The following EPHA5 variants were observed in gnomAD, a reference collection of about 807,000 sequenced individuals.
The protein encoded by EPHA5 is EPH receptor A5, also known as ephrin type-A receptor 5.
EPHA5 carries 60 observed loss-of-function variants against 105.0 expected under a neutral mutation model. The observed-to-expected ratio is 0.57, with a 90% CI of 0.46 to 0.71. EPHA5 has a LOEUF of 0.71. Ranked by LOEUF, EPHA5 falls within the 30% of genes least tolerant of loss-of-function variation. The pLI is 0.00. For missense variants in EPHA5, 1,218 were observed against 1,274.7 expected (o/e 0.96, Z 0.68); for synonymous variants, 513 against 449.1 (o/e 1.14, Z -1.80).
At chr4:65,387,470 C>T (rs1421661610) in intron 8 of EPHA5, among the ~76,000 whole-genome samples, 1 of 151,986 alleles carries the variant, frequency 6.6e-6, no homozygotes, top group African/African-American at 2.4e-5. Flanking sequence ...GTAAAATGCA[C>T]ATCTACTTAT....
rs896147833 is a variant in EPHA5 at position 65,388,816 on chromosome 4, T to A, written c.1793+15558A>T. Among the ~76,000 whole-genome samples, 6 of 151,474 alleles carry A rather than the reference T, an allele frequency of 4.0e-5. No individual in the cohort carries two copies. In the South Asian group the frequency reaches 1.3e-3, roughly 32 times the overall value. ...TTTGCTGTGCAGAAGCTCTTTAGTTTAATTAGATCCCATTTGTCAATTTTG... is the reference window on the plus strand; with the variant it reads ...TTTGCTGTGCAGAAGCTCTTTAGTTAAATTAGATCCCATTTGTCAATTTTG... On this transcript the variant is annotated intron_variant, in intron 8 of 16. Coordinates refer to ENST00000613740, the MANE Select transcript of EPHA5 (RefSeq NM_001281766.3).
chr4:65,460,893 G>T (rs1728060309), intron 5 of EPHA5, among the ~76,000 whole-genome samples: 1 of 151,702 alleles, frequency 6.6e-6, no homozygotes, highest in Admixed American at 6.6e-5. Context: ...GTAGTTTAAT[G>T]ATTTTTCTTA....
intron 5 of EPHA5, among the ~76,000 whole-genome samples, chr4:65,475,992 T>G (rs1192752898): frequency 3.3e-5 from 5 of 151,964 alleles, no homozygotes; most frequent in Non-Finnish European, 7.4e-5. Flanking sequence ...TGATTAAGGG[T>G]GTCACCATTT....
rs1311162748 is a variant in EPHA5, at chr4:65,348,659, G to GGT, written c.2446-457_2446-456insAC. 8.9e-3 allele frequency among the ~76,000 whole-genome samples: 536 copies of GGT among 60,074 alleles called. 33 individuals carry two copies. The highest frequency in any genetic ancestry group is 0.012 in the Non-Finnish European group (356 of 30,064). 39.4% of individuals were successfully genotyped at this position (60,074 alleles called of 152,430 possible). On this transcript the variant is annotated intron_variant, in intron 13 of 16. Coordinates refer to ENST00000613740, the MANE Select transcript of EPHA5 (RefSeq NM_001281766.3). ...TAATAAGAAAAGCATAAACATTGGA[G>GGT]ATATATATATATATATATATATATA...
chr4:65,618,478 T>G (rs1387099668), intron 2 of EPHA5, among the ~76,000 whole-genome samples: 1 of 152,180 alleles, frequency 6.6e-6, no homozygotes, highest in Admixed American at 6.5e-5. Context: ...TATCAGTGTC[T>G]CTTTAATTAA....
At chr4:65,383,769 T>C (rs1448883510) in intron 8 of EPHA5, among the ~76,000 whole-genome samples, 1 of 150,982 alleles carries the variant, frequency 6.6e-6, no homozygotes, top group Non-Finnish European at 1.5e-5. Context: ...CTAATATTTG[T>C]TTAAAAGTAA....
At chr4:65,664,478 T>C (rs570132525) in intron 1 of EPHA5, among the ~76,000 whole-genome samples, 1 of 152,050 alleles carries the variant, frequency 6.6e-6, no homozygotes, top group East Asian at 1.9e-4. Flanking sequence ...TCATTTTGCT[T>C]TTTATCTACC....
At position 65,601,744 on chromosome 4, in the gene EPHA5, A is replaced by G. The variant is rs1316527440; in HGVS notation, c.807T>C (p.Asp269=). 20 of 1,614,004 alleles carry G rather than the reference A, an allele frequency of 1.2e-5. No individual in the cohort carries two copies. Among genetic ancestry groups the G allele is most frequent in the Non-Finnish European group, 1.6e-5 (19 of 1,180,018 alleles). Residue 269 remains aspartate (D), a synonymous_variant, in exon 3 of 17, where the codon GAT becomes GAC. Transcript: ENST00000613740. ...SGSCVNHSVT[D]EPPKMHCSAE... ...CGCTGCAGTGCATTTTGGGAGGTTC[A>G]TCGGTCACAGAATGGTTGACACAGG...
At chr4:65,537,460 A>G (rs866713979) in intron 3 of EPHA5, among the ~76,000 whole-genome samples, 1 of 151,814 alleles carries the variant, frequency 6.6e-6, no homozygotes, top group Non-Finnish European at 1.5e-5. Flanking sequence ...TACCTACCCT[A>G]TAGAATATAC....
chr4:65,606,314 G>T (rs1471787740), intron 2 of EPHA5, among the ~76,000 whole-genome samples: 2 of 152,216 alleles, frequency 1.3e-5, no homozygotes, highest in East Asian at 1.9e-4. Context: ...TATAATGAAT[G>T]AATTAATATC....
At chr4:65,632,107 T>G (rs1220169193) in intron 2 of EPHA5, among the ~76,000 whole-genome samples, 1 of 152,032 alleles carries the variant, frequency 6.6e-6, no homozygotes, top group South Asian at 2.1e-4. Flanking sequence ...ACATAATGTA[T>G]AGATGAAGAA....
intron 12 of EPHA5, among the ~76,000 whole-genome samples, 192 bp downstream of exon 12, chr4:65,352,850 G>A (rs961227179): frequency 6.8e-6 from 1 of 147,374 alleles, no homozygotes; most frequent in Non-Finnish European, 1.5e-5. Context: ...TTGGATTTGT[G>A]TGAGTTTTCT....
chr4:65,395,789 A>T (rs1341788094), intron 8 of EPHA5, among the ~76,000 whole-genome samples: 3 of 152,244 alleles, frequency 2.0e-5, no homozygotes, highest in Non-Finnish European at 4.4e-5. Flanking sequence ...CCATTTCTCA[A>T]ATTAAATTTA....
intron 5 of EPHA5, among the ~76,000 whole-genome samples, chr4:65,431,221 T>C (rs1197995279): frequency 1.3e-5 from 2 of 152,182 alleles, no homozygotes; most frequent in Non-Finnish European, 2.9e-5. Flanking sequence ...AGAAATGCCC[T>C]GCATGCTAAA....
At chr4:65,659,898 A>G (rs1749411187) in intron 1 of EPHA5, among the ~76,000 whole-genome samples, 1 of 152,160 alleles carries the variant, frequency 6.6e-6, no homozygotes, top group African/African-American at 2.4e-5. Flanking sequence ...TGCAAATAAT[A>G]GAACAGATGA....
intron 5 of EPHA5, among the ~76,000 whole-genome samples, chr4:65,484,318 C>A (rs1171715995): frequency 2.0e-5 from 3 of 152,106 alleles, no homozygotes. Context: ...TTATGAGACA[C>A]CATGCTTGTC....
At chr4:65,447,409 T>C (rs1375590988) in intron 5 of EPHA5, among the ~76,000 whole-genome samples, 1 of 151,728 alleles carries the variant, frequency 6.6e-6, no homozygotes, top group Non-Finnish European at 1.5e-5. Flanking sequence ...GTTGCTACTC[T>C]GAAAAGAGGA....
At chr4:65,402,935 G>T (rs1721991213) in intron 8 of EPHA5, among the ~76,000 whole-genome samples, 1 of 152,152 alleles carries the variant, frequency 6.6e-6, no homozygotes, top group African/African-American at 2.4e-5. Context: ...GGTGACTTCA[G>T]AGAGATGAAA....
intron 3 of EPHA5, among the ~76,000 whole-genome samples, chr4:65,557,516 A>G (rs1246662336): frequency 6.6e-6 from 1 of 152,032 alleles, no homozygotes; most frequent in African/African-American, 2.4e-5. Flanking sequence ...ACCAGTAAAG[A>G]TAAGAGATAT....
Sources: allele counts gnomAD v4.1 joint callset (sites outside exome capture counted in the v4.1 genomes callset), GRCh38; gene constraint gnomAD v4.1.1; transcripts MANE v1.5; gene names NCBI Gene and HGNC (gene_info 2026-07-23, HGNC 2026-07-21).